Variants in HIVEP2 observed in about 807,000 individuals in gnomAD.
The protein encoded by HIVEP2 is transcription factor HIVEP2.
Under a neutral mutation model 180.7 loss-of-function variants are expected in HIVEP2, and 14 were observed. The ratio of observed to expected loss-of-function variants is 0.08; its 90% CI spans 0.05 to 0.12. HIVEP2 has a LOEUF of 0.12. HIVEP2 is among the 10% of genes least tolerant of loss of function. HIVEP2 has a pLI of 1.00. For missense variants in HIVEP2, 2,579 were observed against 3,008.5 expected (o/e 0.86, Z 3.34); for synonymous variants, 1,184 against 1,136.4 (o/e 1.04, Z -0.84).
At chr6:142,923,293 T>C (rs1362746009) in intron 1 of HIVEP2, among the ~76,000 whole-genome samples, 1 of 151,366 alleles carries the variant, frequency 6.6e-6, no homozygotes, top group Non-Finnish European at 1.5e-5. Context: ...ATCGTGCCAC[T>C]GTACTCCAGC....
At chr6:142,879,185 T>C (rs1002853923) in intron 1 of HIVEP2, among the ~76,000 whole-genome samples, 1 of 152,126 alleles carries the variant, frequency 6.6e-6, no homozygotes, top group Non-Finnish European at 1.5e-5. Flanking sequence ...TCAGTGAAGC[T>C]TTTAGATCTT....
intron 1 of HIVEP2, among the ~76,000 whole-genome samples, chr6:142,893,364 C>A (rs1285704988): frequency 1.3e-5 from 2 of 152,200 alleles, no homozygotes; most frequent in Non-Finnish European, 2.9e-5. Context: ...CATTAGTATT[C>A]CTAATGCGGC....
Position 142,772,528 on chromosome 6 carries a change from T to A in HIVEP2, c.2211A>T (p.Gly737=). The change falls in exon 5 of 10, where the codon GGA becomes GGT. Residue 737 remains glycine (G), a synonymous_variant. Coordinates refer to ENST00000367603, the MANE Select transcript of HIVEP2 (RefSeq NM_006734.4). The surrounding 1 kb of genome is among the most constrained non-coding windows in gnomAD (Gnocchi z 4.9). ...CAGCCATGGCAAATCCACTCCTGAC[T>A]CCTTCCTGCATCTGCAGTTTGGGGT... The part of the protein sequence containing the change: ...DYDPKLQMQE[G]VRSGFAMAGH... 1.9e-6 allele frequency: 3 copies of A among 1,614,146 alleles called. No individual in the cohort carries two copies. Among genetic ancestry groups the A allele is most frequent in the Non-Finnish European group, 2.5e-6 (3 of 1,180,044 alleles).
intron 2 of HIVEP2, among the ~76,000 whole-genome samples, chr6:142,802,466 C>A (rs940318832): frequency 6.6e-6 from 1 of 151,896 alleles, no homozygotes; most frequent in African/African-American, 2.4e-5. Context: ...TTAAAGGATG[C>A]TTTCTAATGT....
At chr6:142,937,622 T>C (rs1778086788) in intron 1 of HIVEP2, among the ~76,000 whole-genome samples, 1 of 152,224 alleles carries the variant, frequency 6.6e-6, no homozygotes, top group African/African-American at 2.4e-5. Context: ...TTGTGCTAAG[T>C]GATAAATATG....
At chr6:142,777,545 G>A (rs551468601) in intron 3 of HIVEP2, among the ~76,000 whole-genome samples, 1 of 150,906 alleles carries the variant, frequency 6.6e-6, no homozygotes, top group African/African-American at 2.4e-5. Context: ...CTACTTGGGA[G>A]GCTGAGGCAG....
At chr6:142,869,952 C>T (rs1053902024) in intron 1 of HIVEP2, among the ~76,000 whole-genome samples, 1 of 152,118 alleles carries the variant, frequency 6.6e-6, no homozygotes, top group Non-Finnish European at 1.5e-5. Context: ...ATTTCTCCCA[C>T]AGAACACTGA....
chr6:142,921,099 G>C (rs902980574), intron 1 of HIVEP2, among the ~76,000 whole-genome samples: 2 of 152,106 alleles, frequency 1.3e-5, no homozygotes, highest in East Asian at 3.9e-4. Context: ...GGAAAGTCTG[G>C]GATTTGAATT....
At chr6:142,860,818 C>A (rs1775959411) in intron 1 of HIVEP2, among the ~76,000 whole-genome samples, 1 of 152,186 alleles carries the variant, frequency 6.6e-6, no homozygotes, top group Non-Finnish European at 1.5e-5. Context: ...ACTGGGACCC[C>A]TGCTTTACAG....
chr6:142,814,082 G>A (rs1776771255), intron 2 of HIVEP2, among the ~76,000 whole-genome samples: 1 of 151,856 alleles, frequency 6.6e-6, no homozygotes, highest in Non-Finnish European at 1.5e-5. Flanking sequence ...GCAAGGAGAT[G>A]ACTAAGTGTG....
At chr6:142,821,725 G>T (rs1462279043) in intron 2 of HIVEP2, among the ~76,000 whole-genome samples, 2 of 152,216 alleles carry the variant, frequency 1.3e-5, no homozygotes, top group African/African-American at 2.4e-5. Flanking sequence ...TTGGCTGAAA[G>T]ATTTCCCCTG....
At chr6:142,779,127 C>G (rs1221344507) in intron 3 of HIVEP2, among the ~76,000 whole-genome samples, 2 of 152,088 alleles carry the variant, frequency 1.3e-5, no homozygotes, top group East Asian at 3.9e-4. Flanking sequence ...AGGGGGGTCT[C>G]ACTTTCTTGT....
intron 1 of HIVEP2, among the ~76,000 whole-genome samples, chr6:142,920,719 C>T (rs759968279): frequency 2.3e-4 from 35 of 152,304 alleles, no homozygotes; most frequent in African/African-American, 6.3e-4. Context: ...TGGTAGCTCA[C>T]GCCTGTAATC....
At chr6:142,763,520 G>A (rs756312955) in intron 7 of HIVEP2, among the ~76,000 whole-genome samples, 27 of 152,148 alleles carry the variant, frequency 1.8e-4, no homozygotes, top group Non-Finnish European at 3.5e-4. Flanking sequence ...TGATTCAGAG[G>A]CAGACTTAAT....
chr6:142,786,826 A>G (rs197495), intron 2 of HIVEP2, among the ~76,000 whole-genome samples: 18,489 of 152,256 alleles, frequency 0.12, 1,221 homozygotes, highest in Non-Finnish European at 0.15. Flanking sequence ...GAATCTAGCA[A>G]GAGGTGAAGG....
intron 2 of HIVEP2, among the ~76,000 whole-genome samples, chr6:142,827,768 G>C (rs894562645): frequency 1.4e-4 from 21 of 152,048 alleles, no homozygotes; most frequent in Admixed American, 5.9e-4. Context: ...TAATCTGGGA[G>C]CCTAACATTT....
At chr6:142,885,273 C>G (rs1204634571) in intron 1 of HIVEP2, among the ~76,000 whole-genome samples, 2 of 152,148 alleles carry the variant, frequency 1.3e-5, no homozygotes, top group Admixed American at 6.5e-5. Flanking sequence ...AAGAAACAAA[C>G]TGAGCCAGAA....
intron 1 of HIVEP2, among the ~76,000 whole-genome samples, chr6:142,875,722 AGT>A (rs1776418346): frequency 6.6e-6 from 1 of 152,170 alleles, no homozygotes; most frequent in Non-Finnish European, 1.5e-5. Context: ...TGGTTGATTT[AGT>A]GAAACATGGT....
At chr6:142,906,268 T>C (rs945840475) in intron 1 of HIVEP2, among the ~76,000 whole-genome samples, 2 of 152,158 alleles carry the variant, frequency 1.3e-5, no homozygotes, top group African/African-American at 2.4e-5. Context: ...TAATATCATT[T>C]AAATGTGCAA....
Sources: gnomAD v4.1 joint callset for allele counts (sites outside exome capture counted in the v4.1 genomes callset) on GRCh38, gnomAD v4.1.1 for gene constraint, Gnocchi (gnomAD v3.1) non-coding constraint, MANE v1.5 for transcripts, NCBI Gene and HGNC (gene_info 2026-07-23, HGNC 2026-07-21) for gene names.